Variants in ATP2C2 observed in about 807,000 individuals in gnomAD.
ATP2C2 encodes ATPase secretory pathway Ca2+ transporting 2, also known as calcium-transporting ATPase type 2C member 2.
ATP2C2 carries 171 observed loss-of-function variants against 110.8 expected under a neutral mutation model. That is an observed-to-expected ratio of 1.54 (90% CI 1.36 to 1.75). The LOEUF (loss-of-function observed/expected upper bound fraction) is 1.75, where lower values mean the gene tolerates loss of function less well. Among genes scored for constraint, ATP2C2 ranks in the 40% most tolerant of loss-of-function variants. The pLI is 0.00. For synonymous variants in ATP2C2, 804 were observed against 508.4 expected, an observed-to-expected ratio of 1.58 and a Z score of -7.82; for missense variants, 1,963 against 1,235.0, an observed-to-expected ratio of 1.59 and a Z score of -8.84.
At chr16:84,375,558 A>G (rs1382187429) in intron 1 of ATP2C2, among the ~76,000 whole-genome samples, 1 of 149,036 alleles carries the variant, frequency 6.7e-6, no homozygotes, top group Non-Finnish European at 1.5e-5. Context: ...AAAAAAAAAG[A>G]AAGAAAGAAA....
intron 10 of ATP2C2, 132 bp from the exon 11 acceptor site, chr16:84,425,603 G>A (rs1176639182): frequency 3.1e-6 from 3 of 962,806 alleles, no homozygotes; most frequent in African/African-American, 3.2e-5. Flanking sequence ...CGGGTTGAAA[G>A]TGGTTGAGGT....
chr16:84,439,159 G>C lies in ATP2C2; in HGVS notation c.987-7G>C, dbSNP rs150034273. Reference sequence around the variant, plus strand: ...TTAGAGGGGACTCATTTGACCTTTCGATCCAGCCTGGCTGTGGCGGCCATT... The same window carrying C: ...TTAGAGGGGACTCATTTGACCTTTCCATCCAGCCTGGCTGTGGCGGCCATT... On this transcript the variant is annotated splice_region_variant and splice_polypyrimidine_tract_variant and intron_variant, in intron 11 of 26. Transcript: ENST00000262429. 16 of 1,612,090 alleles carry C rather than the reference G, an allele frequency of 9.9e-6. No individual in the cohort carries two copies. Among genetic ancestry groups the C allele is most frequent in the South Asian group, 3.3e-5 (3 of 90,948 alleles).
rs867798258 is a variant in ATP2C2, at chr16:84,459,340, C to T, written c.2287C>T (p.Gln763Ter). The T allele has an allele frequency of 1.9e-6, 3 of 1,614,096 alleles. No individual in the cohort carries two copies. The highest frequency in any genetic ancestry group is 1.3e-5 in the African/African-American group (1 of 74,936). ...CCTGCCCAGCCCCCTCAACGCCATGCAGATCCTATGGATCAACATCATCAT... is the reference window on the plus strand; with the variant it reads ...CCTGCCCAGCCCCCTCAACGCCATGTAGATCCTATGGATCAACATCATCAT... Reference protein sequence around the residue: ...FNLPSPLNAMQILWINIIMDG... With the variant: ...FNLPSPLNAM The change falls in exon 23 of 27, where the codon CAG (glutamine) becomes TAG (stop). Residue 763 changes from glutamine to a stop codon, truncating the protein, a stop_gained. Transcript: ENST00000262429. LOFTEE classifies it high-confidence loss of function.
At chr16:84,377,497 G>A (rs373403387) in intron 1 of ATP2C2, among the ~76,000 whole-genome samples, 1 of 151,912 alleles carries the variant, frequency 6.6e-6, no homozygotes, top group African/African-American at 2.4e-5. Flanking sequence ...TGGTTCCTCC[G>A]GAGGCCTCTC....
chr16:84,442,438 G>C (rs1597845095), intron 14 of ATP2C2, 72 bp from the exon 15 acceptor site: 2 of 1,443,996 alleles, frequency 1.4e-6, no homozygotes, highest in East Asian at 4.6e-5. Flanking sequence ...GTAAAAATGG[G>C]ACAGGCCCAC....
chr16:84,454,045 T>G (rs1910565580), intron 20 of ATP2C2, among the ~76,000 whole-genome samples: 1 of 152,198 alleles, frequency 6.6e-6, no homozygotes, highest in Admixed American at 6.5e-5. Context: ...TTCGCCATGT[T>G]GGCCAGGCTG....
chr16:84,400,705 G>T (rs1010294311), intron 2 of ATP2C2, among the ~76,000 whole-genome samples: 5 of 152,208 alleles, frequency 3.3e-5, no homozygotes, highest in East Asian at 3.9e-4. Flanking sequence ...GTGTACAAGG[G>T]TTCCCTTTTC....
chr16:84,408,609 C>A, intron 4 of ATP2C2, 115 bp downstream of exon 4: 1 of 776,360 alleles, frequency 1.3e-6, no homozygotes, highest in Non-Finnish European at 2.1e-6. Context: ...GAAAAAGGAG[C>A]ATACAGAAGA....
chr16:84,452,496 A>ATT (rs1910378884), intron 18 of ATP2C2, among the ~76,000 whole-genome samples: 7 of 66,494 alleles, frequency 1.1e-4, no homozygotes, highest in Non-Finnish European at 1.4e-4. Flanking sequence ...TCCTCTAGTT[A>ATT]CTTTTTTTTT....
At chr16:84,420,079 T>C (rs971123273) in intron 7 of ATP2C2, among the ~76,000 whole-genome samples, 1 of 152,166 alleles carries the variant, frequency 6.6e-6, no homozygotes, top group African/African-American at 2.4e-5. Context: ...CCCCAGCACA[T>C]GTGACTTAAC....
At chr16:84,435,601 G>A (rs949575236) in intron 11 of ATP2C2, among the ~76,000 whole-genome samples, 1 of 152,196 alleles carries the variant, frequency 6.6e-6, no homozygotes, top group African/African-American at 2.4e-5. Flanking sequence ...TGAGGAGGGA[G>A]GATCACTTGA....
chr16:84,455,072 G>GGA (rs1003096826), intron 21 of ATP2C2, 88 bp downstream of exon 21: 1 of 1,524,798 alleles, frequency 6.6e-7, no homozygotes, highest in Non-Finnish European at 8.9e-7. Context: ...GGAGATAGAG[G>GGA]GGGGGGTCTC....
intron 4 of ATP2C2, 57 bp from the exon 5 acceptor site, chr16:84,410,511 C>T: frequency 1.9e-6 from 3 of 1,577,760 alleles, no homozygotes; most frequent in Non-Finnish European, 1.7e-6. Context: ...CTGCCACGCC[C>T]TGTCCCCCCT....
intron 15 of ATP2C2, among the ~76,000 whole-genome samples, chr16:84,443,959 G>A (rs1473236643): frequency 6.6e-6 from 1 of 152,138 alleles, no homozygotes; most frequent in African/African-American, 2.4e-5. Context: ...TTGAGGCCAA[G>A]AGTTTGAGAC....
chr16:84,392,130 A>T (rs927011498), intron 1 of ATP2C2, among the ~76,000 whole-genome samples: 1 of 151,540 alleles, frequency 6.6e-6, no homozygotes, highest in African/African-American at 2.4e-5. Context: ...AGCCCACATG[A>T]CTCTGTTACC....
chr16:84,461,618 A>G (rs369750), intron 24 of ATP2C2, 96 bp from the exon 25 acceptor site: 529,754 of 1,115,428 alleles, frequency 0.47, 128,307 homozygotes, highest in Non-Finnish European at 0.5. Flanking sequence ...GCTCCCAGCC[A>G]TGCCCCAGGA....
intron 13 of ATP2C2, 128 bp downstream of exon 13, chr16:84,439,652 C>G: frequency 6.8e-6 from 6 of 885,696 alleles, no homozygotes; most frequent in East Asian, 2.5e-5. Flanking sequence ...CTTATAATCT[C>G]CTTGCTAACA....
chr16:84,373,834 C>A (rs962372163), intron 1 of ATP2C2, among the ~76,000 whole-genome samples: 6 of 152,212 alleles, frequency 3.9e-5, no homozygotes, highest in African/African-American at 1.4e-4. Flanking sequence ...AAGTTCTGTT[C>A]TTTAAACTCT....
In ATP2C2 at chr16:84,461,597, G is replaced by A. The variant is rs1597891142; in HGVS notation, c.2482-117G>A. The A allele has an allele frequency of 3.4e-6, 3 of 888,172 alleles. No homozygotes were observed. The South Asian group carries it at 4.2e-5, about 12-fold the overall frequency. The allele number at this position is 888,172 out of a possible 1,614,324, so 55.0% of individuals were successfully genotyped here. On this transcript the variant is annotated intron_variant, in intron 24 of 26. Coordinates refer to ENST00000262429, the MANE Select transcript of ATP2C2 (RefSeq NM_014861.4). Reference sequence around the variant, plus strand: ...AGGAAGCTGTGTGACCGATTCATGAGCTTGTAAGTGGCTCCCAGCCATGCC... The same window carrying A: ...AGGAAGCTGTGTGACCGATTCATGAACTTGTAAGTGGCTCCCAGCCATGCC...
Sources: gnomAD v4.1 joint callset for allele counts (sites outside exome capture counted in the v4.1 genomes callset) on GRCh38, gnomAD v4.1.1 for gene constraint, MANE v1.5 for transcripts, NCBI Gene and HGNC (gene_info 2026-07-23, HGNC 2026-07-21) for gene names.